VPS13B: variants seen among roughly 807,000 people sequenced by gnomAD.
VPS13B encodes intermembrane lipid transfer protein VPS13B.
VPS13B carries 285 observed loss-of-function variants against 426.4 expected under a neutral mutation model. The ratio of observed to expected loss-of-function variants is 0.67; its 90% CI spans 0.61 to 0.74. The LOEUF (loss-of-function observed/expected upper bound fraction) is 0.74. VPS13B is among the 30% of genes least tolerant of loss of function. The probability of loss-of-function intolerance (pLI) is 0.00; values close to 1 mark genes in which losing one functional copy is unlikely to be tolerated. For synonymous variants in VPS13B, 1,676 were observed against 1,676.4 expected, an observed-to-expected ratio of 1.00 and a Z score of 0.01; for missense variants, 4,537 against 4,782.6, an observed-to-expected ratio of 0.95 and a Z score of 1.51.
chr8:99,372,108 G>T (rs997829870), intron 19 of VPS13B, among the ~76,000 whole-genome samples: 1 of 151,640 alleles, frequency 6.6e-6, no homozygotes, highest in African/African-American at 2.4e-5. Context: ...AAAATTAGCC[G>T]GGCGAGGTGG....
intron 21 of VPS13B, among the ~76,000 whole-genome samples, chr8:99,412,625 G>T (rs1815746068): frequency 6.6e-6 from 1 of 152,172 alleles, no homozygotes; most frequent in Non-Finnish European, 1.5e-5. Flanking sequence ...GGAGTGGTAA[G>T]AGTGGGCATC....
intron 8 of VPS13B, among the ~76,000 whole-genome samples, chr8:99,127,506 T>C (rs1367633751): frequency 1.3e-5 from 2 of 152,188 alleles, no homozygotes; most frequent in African/African-American, 4.8e-5. Flanking sequence ...GCTTAACATT[T>C]ATCAGTATCT....
intron 15 of VPS13B, among the ~76,000 whole-genome samples, chr8:99,159,995 T>G (rs981615842): frequency 1.3e-5 from 2 of 152,140 alleles, no homozygotes; most frequent in Non-Finnish European, 2.9e-5. Context: ...TAAGTTTTTT[T>G]TTTTGACATA....
intron 16 of VPS13B, among the ~76,000 whole-genome samples, chr8:99,192,383 C>T (rs1425922778): frequency 6.6e-6 from 1 of 152,080 alleles, no homozygotes; most frequent in Non-Finnish European, 1.5e-5. Flanking sequence ...CTAATTTTTC[C>T]TCTTTTTAGT....
chr8:99,623,479 G>T (rs1486251839), intron 33 of VPS13B, among the ~76,000 whole-genome samples: 1 of 152,080 alleles, frequency 6.6e-6, no homozygotes, highest in Non-Finnish European at 1.5e-5. Flanking sequence ...TGTTGTTGTT[G>T]TTTTTTGTTT....
At chr8:99,055,178 A>G (rs976270480) in intron 3 of VPS13B, among the ~76,000 whole-genome samples, 2 of 151,854 alleles carry the variant, frequency 1.3e-5, no homozygotes, top group African/African-American at 4.8e-5. Context: ...AGCTGGGACT[A>G]TAAACATGAG....
chr8:99,013,698 T>G (rs1198326610), intron 1 of VPS13B, 62 bp from the exon 2 acceptor site: 25 of 1,524,790 alleles, frequency 1.6e-5, no homozygotes, highest in Non-Finnish European at 2.1e-5. Context: ...CGGCCTGAGA[T>G]AACGAACGCT....
intron 31 of VPS13B, among the ~76,000 whole-genome samples, chr8:99,572,079 AT>A (rs1825503584): frequency 6.6e-6 from 1 of 152,192 alleles, no homozygotes; most frequent in Non-Finnish European, 1.5e-5. Context: ...GAACTTTATC[AT>A]TTTATGATAT....
intron 21 of VPS13B, among the ~76,000 whole-genome samples, chr8:99,400,639 G>T (rs1337475057): frequency 6.6e-6 from 1 of 152,078 alleles, no homozygotes; most frequent in African/African-American, 2.4e-5. Context: ...TAATGTTTCA[G>T]TGGGTATAAT....
Position 99,029,815 on chromosome 8 carries a change from G to GGGAGACGGAGAC in VPS13B, c.148-8603_148-8602insCGGAGACGGAGA, listed in dbSNP as rs1399216152. On this transcript the variant is annotated intron_variant, in intron 2 of 61. Transcript: ENST00000357162. Reference sequence around the variant, plus strand: ...AGGGAGAGGGAGAGGGAGACGGAGAGGGAGAGGGAGAGGGAGAGGGAGAGG... The same window carrying GGGAGACGGAGAC: ...AGGGAGAGGGAGAGGGAGACGGAGAGGGAGACGGAGACGGAGAGGGAGAGGGAGAGGGAGAGG... 4.1e-3 allele frequency among the ~76,000 whole-genome samples: 557 copies of GGGAGACGGAGAC among 135,650 alleles called. 9 individuals are homozygous for GGGAGACGGAGAC. The highest frequency in any genetic ancestry group is 0.015 in the African/African-American group (531 of 35,926). 89.0% of individuals were successfully genotyped at this position (135,650 alleles called of 152,430 possible). A position where few individuals can be genotyped will look rare whatever the true frequency, so the allele number is the denominator to read the frequency against.
At chr8:99,264,643 G>T (rs777159856) in intron 17 of VPS13B, among the ~76,000 whole-genome samples, 1 of 151,846 alleles carries the variant, frequency 6.6e-6, no homozygotes, top group Non-Finnish European at 1.5e-5. Flanking sequence ...TTTTATATTT[G>T]TCTGTCTGTC....
chr8:99,279,639 A>G (rs988438301), intron 19 of VPS13B, among the ~76,000 whole-genome samples: 4 of 152,134 alleles, frequency 2.6e-5, no homozygotes, highest in African/African-American at 9.7e-5. Flanking sequence ...TCTGCTTGCT[A>G]AAGAGTTCTG....
intron 39 of VPS13B, among the ~76,000 whole-genome samples, chr8:99,726,876 A>G (rs1833372241): frequency 6.6e-6 from 1 of 152,214 alleles, no homozygotes; most frequent in African/African-American, 2.4e-5. Context: ...GTTACCCAGT[A>G]TGAAGTATTT....
intron 2 of VPS13B, among the ~76,000 whole-genome samples, chr8:99,028,692 G>A (rs1197148727): frequency 1.4e-5 from 2 of 138,278 alleles, no homozygotes; most frequent in Admixed American, 7.0e-5. Context: ...CCTCCCTCCC[G>A]GACGGGGCGG....
At chr8:99,698,171 C>T (rs950641542) in intron 35 of VPS13B, among the ~76,000 whole-genome samples, 4 of 152,238 alleles carry the variant, frequency 2.6e-5, no homozygotes, top group African/African-American at 9.6e-5. Context: ...TAATTTTCAT[C>T]ATTCCATGGA....
intron 17 of VPS13B, among the ~76,000 whole-genome samples, chr8:99,253,514 C>T (rs1451071482): frequency 6.6e-6 from 1 of 152,076 alleles, no homozygotes; most frequent in Non-Finnish European, 1.5e-5. Context: ...TTTATTATAA[C>T]CATTTTACTT....
chr8:99,730,177 T>A (rs1833534216), intron 39 of VPS13B, among the ~76,000 whole-genome samples: 1 of 152,196 alleles, frequency 6.6e-6, no homozygotes, highest in South Asian at 2.1e-4. Flanking sequence ...TACTAATGTG[T>A]CCCAGAAGGC....
intron 34 of VPS13B, among the ~76,000 whole-genome samples, chr8:99,648,949 CTT>C (rs200664737): frequency 0.14 from 20,459 of 146,390 alleles, 1,932 homozygotes; most frequent in East Asian, 0.4. Flanking sequence ...CTGCGAGTAC[CTT>C]TTTTTTTTTT....
chr8:99,136,566 A>G lies in VPS13B; in HGVS notation c.1564-99A>G, dbSNP rs973275640. On this transcript the variant is annotated intron_variant, in intron 11 of 61. Coordinates refer to ENST00000357162, the MANE Select transcript of VPS13B (RefSeq NM_152564.5). The stretch of plus-strand genomic sequence containing the variant: ...TCTTTTGGTCATCCTTTGTGTTGTT[A>G]TACATTCTATATAAAGATATGTGTC... The G allele has an allele frequency of 3.2e-5, 37 of 1,170,228 alleles. No individual in the cohort carries two copies. In the Admixed American group the frequency reaches 6.3e-4, roughly 20 times the overall value. The allele number at this position is 1,170,228 out of a possible 1,614,324, so 72.5% of individuals were successfully genotyped here.
Sources: allele counts gnomAD v4.1 joint callset (sites outside exome capture counted in the v4.1 genomes callset), GRCh38; gene constraint gnomAD v4.1.1; transcripts MANE v1.5; gene names NCBI Gene and HGNC (gene_info 2026-07-23, HGNC 2026-07-21).